The following GRM5 variants were observed in gnomAD, a reference collection of about 807,000 sequenced individuals.
GRM5 encodes the protein metabotropic glutamate receptor 5.
Under a neutral mutation model 83.1 loss-of-function variants are expected in GRM5, and 19 were observed. The ratio of observed to expected loss-of-function variants is 0.23; its 90% CI spans 0.16 to 0.34. GRM5 has a LOEUF of 0.34. Among genes scored for constraint, GRM5 ranks in the 10% least tolerant of loss-of-function variants. The pLI, the probability that GRM5 is intolerant of heterozygous loss-of-function variation, is 1.00. For missense variants in GRM5, 1,160 were observed against 1,588.3 expected (o/e 0.73, Z 4.58); for synonymous variants, 675 against 633.6 (o/e 1.07, Z -0.98).
rs555612356 is a variant in GRM5, at chr11:89,061,316, A to T, written c.-201+4460T>A. On this transcript the variant is annotated intron_variant, in intron 1 of 9. Coordinates refer to ENST00000305447, the MANE Select transcript of GRM5 (RefSeq NM_001143831.3). ...AATAAATACAATATTTTTAATGATCAACCTCATCTCACATTTTCTACTTGT... is the reference window on the plus strand; with the variant it reads ...AATAAATACAATATTTTTAATGATCTACCTCATCTCACATTTTCTACTTGT... Among the ~76,000 whole-genome samples, 17 of 152,296 alleles carry T rather than the reference A, an allele frequency of 1.1e-4. 1 individual carries two copies. The highest frequency in any genetic ancestry group is 5.2e-4 in the Admixed American group (8 of 15,304).
chr11:88,582,103 G>GT (rs1463596434), intron 7 of GRM5, among the ~76,000 whole-genome samples: 3 of 151,680 alleles, frequency 2.0e-5, no homozygotes, highest in African/African-American at 7.3e-5. Context: ...CATTAAATTG[G>GT]TTCCTACACT....
At chr11:88,848,063 A>G (rs1944327602) in intron 3 of GRM5, among the ~76,000 whole-genome samples, 1 of 152,174 alleles carries the variant, frequency 6.6e-6, no homozygotes, top group Non-Finnish European at 1.5e-5. Context: ...CCCTATCAGA[A>G]AAACAGAACT....
chr11:88,919,327 G>C (rs1945650598), intron 2 of GRM5, among the ~76,000 whole-genome samples: 1 of 135,732 alleles, frequency 7.4e-6, no homozygotes, highest in African/African-American at 2.6e-5. Context: ...TTGATAAAGG[G>C]GTCAATTCAG....
chr11:88,774,703 A>G (rs1369491746), intron 3 of GRM5, among the ~76,000 whole-genome samples: 1 of 152,170 alleles, frequency 6.6e-6, no homozygotes, highest in Non-Finnish European at 1.5e-5. Context: ...ATCTATTGAG[A>G]TAATCATGTG....
chr11:88,942,742 A>T (rs1379423900), intron 2 of GRM5, among the ~76,000 whole-genome samples: 1 of 151,878 alleles, frequency 6.6e-6, no homozygotes, highest in Non-Finnish European at 1.5e-5. Flanking sequence ...AAATTAAAAA[A>T]AAAATGGGAC....
chr11:88,534,189 C>A (rs1159004794), intron 8 of GRM5, among the ~76,000 whole-genome samples: 1 of 152,192 alleles, frequency 6.6e-6, no homozygotes. Context: ...AGAGTCCTTA[C>A]TGGGGCACTG....
intron 3 of GRM5, among the ~76,000 whole-genome samples, chr11:88,816,842 T>C (rs1943699631): frequency 6.6e-6 from 1 of 150,990 alleles, no homozygotes; most frequent in South Asian, 2.1e-4. Flanking sequence ...AAATGGATCA[T>C]AAAAAAACAG....
chr11:88,514,684 CTT>C (rs1440194417), intron 9 of GRM5, among the ~76,000 whole-genome samples: 3 of 151,880 alleles, frequency 2.0e-5, no homozygotes, highest in Non-Finnish European at 4.4e-5. Flanking sequence ...AAAAAAAAGA[CTT>C]TGGGTTTTTC....
intron 3 of GRM5, among the ~76,000 whole-genome samples, chr11:88,681,900 TC>T (rs1188715664): frequency 6.6e-5 from 10 of 152,012 alleles, no homozygotes; most frequent in Non-Finnish European, 1.5e-4. Flanking sequence ...TATACTCTTT[TC>T]TTTTTGTGAA....
chr11:88,896,719 T>C (rs1475248641), intron 2 of GRM5, among the ~76,000 whole-genome samples: 3 of 151,842 alleles, frequency 2.0e-5, no homozygotes, highest in African/African-American at 7.2e-5. Flanking sequence ...TCCCTTCCTA[T>C]CTTTTGTTCT....
At chr11:88,672,149 T>C (rs1031116851) in intron 3 of GRM5, among the ~76,000 whole-genome samples, 1 of 152,034 alleles carries the variant, frequency 6.6e-6, no homozygotes, top group African/African-American at 2.4e-5. Context: ...AATCCAGTGA[T>C]ATAATGATAA....
chr11:88,983,735 G>A (rs1158591598), intron 2 of GRM5, among the ~76,000 whole-genome samples: 2 of 151,838 alleles, frequency 1.3e-5, no homozygotes, highest in African/African-American at 2.4e-5. Flanking sequence ...AAAGTTACCT[G>A]TAAAACAGCC....
intron 2 of GRM5, among the ~76,000 whole-genome samples, chr11:88,928,123 C>T (rs1433565153): frequency 6.6e-6 from 1 of 152,054 alleles, no homozygotes; most frequent in African/African-American, 2.4e-5. Context: ...GGCACATATG[C>T]ATTTCCCTGG....
At chr11:88,939,214 C>T (rs924408899) in intron 2 of GRM5, among the ~76,000 whole-genome samples, 1 of 151,766 alleles carries the variant, frequency 6.6e-6, no homozygotes, top group African/African-American at 2.4e-5. Flanking sequence ...AATTTCACCA[C>T]TGAAGGCCTA....
At chr11:88,901,839 C>T (rs1357770595) in intron 2 of GRM5, among the ~76,000 whole-genome samples, 6 of 152,086 alleles carry the variant, frequency 3.9e-5, no homozygotes, top group Non-Finnish European at 5.9e-5. Flanking sequence ...ATACCTTTTC[C>T]GAATGCATCT....
intron 2 of GRM5, among the ~76,000 whole-genome samples, chr11:88,936,831 A>T (rs1007461030): frequency 1.3e-5 from 2 of 151,780 alleles, no homozygotes; most frequent in African/African-American, 4.8e-5. Context: ...GACCAATTGA[A>T]ATATTAAAAT....
At chr11:88,554,883 T>C (rs899302676) in intron 8 of GRM5, among the ~76,000 whole-genome samples, 59 of 152,270 alleles carry the variant, frequency 3.9e-4, no homozygotes, top group African/African-American at 1.4e-3. Flanking sequence ...ATAATGGCAG[T>C]GTTATTATCT....
chr11:89,051,191 G>A (rs1375513515), intron 1 of GRM5, among the ~76,000 whole-genome samples: 1 of 151,976 alleles, frequency 6.6e-6, no homozygotes, highest in Non-Finnish European at 1.5e-5. Context: ...GAGAGGCAGG[G>A]CTTGCAGTGA....
chr11:88,875,716 T>C (rs1408056453), intron 2 of GRM5, among the ~76,000 whole-genome samples: 2 of 152,098 alleles, frequency 1.3e-5, no homozygotes, highest in African/African-American at 4.8e-5. Context: ...GATGTTGTCT[T>C]AGCAGGCATG....
Sources: gnomAD v4.1 joint callset for allele counts (sites outside exome capture counted in the v4.1 genomes callset) on GRCh38, gnomAD v4.1.1 for gene constraint, MANE v1.5 for transcripts, NCBI Gene and HGNC (gene_info 2026-07-23, HGNC 2026-07-21) for gene names.